The following SHANK2 variants were observed in gnomAD, a reference collection of about 807,000 sequenced individuals.
The protein encoded by SHANK2 is SH3 and multiple ankyrin repeat domains protein 2.
Under a neutral mutation model 133.7 loss-of-function variants are expected in SHANK2, and 43 were observed. That is an observed-to-expected ratio of 0.32 (90% CI 0.25 to 0.41). The LOEUF is 0.41. SHANK2 is among the 10% of genes least tolerant of loss of function. The pLI is 1.00. For synonymous variants in SHANK2, 1,017 were observed against 952.8 expected, an observed-to-expected ratio of 1.07 and a Z score of -1.24; for missense variants, 1,994 against 2,235.8, an observed-to-expected ratio of 0.89 and a Z score of 2.18.
Position 71,092,487 on chromosome 11 carries a change from G to A in SHANK2, c.847C>T (p.Leu283Phe). The stretch of plus-strand genomic sequence containing the variant: ...ACAGTGGCGTGTTCGTGCAGGAGAA[G>A]CTCGCAGCAGTAGGGATCACCTCCG... ...IVGGDPYCCELLLHEHATVCC... is the reference protein window; with the variant it reads ...IVGGDPYCCEFLLHEHATVCC... Residue 283 changes from leucine (L) to phenylalanine (F), a missense_variant, in exon 8 of 26, where the codon CTT (leucine) becomes TTT (phenylalanine). Physicochemically the swap from Leu to Phe is conservative, Grantham distance 22. Coordinates refer to ENST00000601538, the MANE Select transcript of SHANK2 (RefSeq NM_012309.5). The A allele has an allele frequency of 6.4e-7, 1 of 1,551,708 alleles. No homozygotes were observed. Among genetic ancestry groups the A allele is most frequent in the Non-Finnish European group, 8.7e-7 (1 of 1,147,016 alleles).
At chr11:70,862,172 G>A (rs1438116426) in intron 11 of SHANK2, among the ~76,000 whole-genome samples, 6 of 152,184 alleles carry the variant, frequency 3.9e-5, no homozygotes, top group Admixed American at 2.0e-4. Flanking sequence ...CACCTGCCCA[G>A]TGCCCAGGTG....
intron 3 of SHANK2, among the ~76,000 whole-genome samples, chr11:71,122,173 G>T (rs1952093807): frequency 6.6e-6 from 1 of 152,144 alleles, no homozygotes; most frequent in South Asian, 2.1e-4. Context: ...TATAAATCAT[G>T]CCACCATAAA....
At chr11:71,207,441 A>G (rs1349148792) in intron 2 of SHANK2, among the ~76,000 whole-genome samples, 3 of 152,288 alleles carry the variant, frequency 2.0e-5, no homozygotes, top group African/African-American at 7.2e-5. Flanking sequence ...TGGCTTCCCA[A>G]AGTGCTGGGA....
intron 21 of SHANK2, among the ~76,000 whole-genome samples, chr11:70,494,315 T>C (rs2135777275): frequency 6.6e-6 from 1 of 152,246 alleles, no homozygotes; most frequent in South Asian, 2.1e-4. Context: ...AGTCTATACT[T>C]TTTTTTCTTT....
chr11:70,486,453 G>T lies in SHANK2; in HGVS notation c.3840C>A (p.Asn1280Lys). The change falls in exon 25 of 26, where the codon AAC becomes AAA. Residue 1280 changes from asparagine to lysine, a missense_variant. Transcript: ENST00000601538. This position sits in a 1 kb window ranked among gnomAD's most constrained non-coding sequence, Gnocchi z 8.0. ...CTCGGCCCAGGTCGGTCTCGTACTT[G>T]TTCTCCGTCTCCTGCCGCCTCAGGG... The part of the protein sequence containing the change: ...RGPLRRQETE[N>K]KYETDLGRDR... 6.2e-7 allele frequency: 1 copy of T among 1,614,096 alleles called. No individual in the cohort carries two copies. Among genetic ancestry groups the T allele is most frequent in the Non-Finnish European group, 8.5e-7 (1 of 1,180,034 alleles).
intron 13 of SHANK2, among the ~76,000 whole-genome samples, chr11:70,800,294 C>T (rs1480277264): frequency 1.3e-5 from 2 of 152,346 alleles, no homozygotes; most frequent in East Asian, 1.9e-4. Flanking sequence ...CAAAGTGGTT[C>T]GGATGACTGG....
intron 17 of SHANK2, among the ~76,000 whole-genome samples, chr11:70,519,460 CA>C (rs2059303552): frequency 6.6e-6 from 1 of 152,078 alleles, no homozygotes; most frequent in South Asian, 2.1e-4. Context: ...CCAGCCTGAC[CA>C]ACATGGAGAA....
At chr11:70,870,798 A>T (rs540551999) in intron 11 of SHANK2, among the ~76,000 whole-genome samples, 2 of 152,222 alleles carry the variant, frequency 1.3e-5, no homozygotes, top group South Asian at 4.2e-4. Flanking sequence ...TTTATTTGAG[A>T]TGGAGTCTTG....
chr11:70,818,959 T>C (rs1237081663), intron 12 of SHANK2, among the ~76,000 whole-genome samples: 2 of 152,164 alleles, frequency 1.3e-5, no homozygotes, highest in African/African-American at 4.8e-5. Context: ...GTGGAGCCCC[T>C]GGGGGCAGGG....
intron 8 of SHANK2, among the ~76,000 whole-genome samples, chr11:71,085,534 T>A (rs1479328722): frequency 2.8e-5 from 3 of 105,532 alleles, no homozygotes; most frequent in African/African-American, 1.1e-4. Context: ...TATATTATAT[T>A]ATATAAAATA....
At position 71,129,683 on chromosome 11, in the gene SHANK2, G is replaced by A. The variant is rs1565467853; in HGVS notation, c.208-10651C>T. 2.0e-5 allele frequency among the ~76,000 whole-genome samples: 3 copies of A among 152,040 alleles called. No homozygotes were observed. The South Asian group carries it at 6.2e-4, about 32-fold the overall frequency. On this transcript the variant is annotated intron_variant, in intron 3 of 25. Coordinates refer to ENST00000601538, the MANE Select transcript of SHANK2 (RefSeq NM_012309.5). The stretch of plus-strand genomic sequence containing the variant: ...GAAAAAATGGAGACAGTGAGGGAAG[G>A]TCACTCACACTTGGTTCACATGAGT...
At chr11:70,873,814 A>G (rs1949510834) in intron 11 of SHANK2, among the ~76,000 whole-genome samples, 1 of 152,138 alleles carries the variant, frequency 6.6e-6, no homozygotes, top group Admixed American at 6.5e-5. Flanking sequence ...TAGAATACCA[A>G]ACAGTGATGC....
At chr11:70,930,824 C>A in intron 10 of SHANK2, among the ~76,000 whole-genome samples, 1 of 140,496 alleles carries the variant, frequency 7.1e-6, no homozygotes, top group Non-Finnish European at 1.5e-5. Context: ...ACATGCCCCA[C>A]CACACCCAGC....
chr11:71,201,737 G>T (rs753904551), intron 2 of SHANK2, among the ~76,000 whole-genome samples: 1 of 152,200 alleles, frequency 6.6e-6, no homozygotes. Flanking sequence ...CACAGACTCC[G>T]AGGGTAGTGG....
In SHANK2 at chr11:70,807,148, T is replaced by C. The variant is rs1555052136; in HGVS notation, c.1517A>G (p.Asn506Ser). 3 of 717,770 alleles carry C rather than the reference T, an allele frequency of 4.2e-6. No homozygotes were observed. Among genetic ancestry groups the C allele is most frequent in the Non-Finnish European group, 7.8e-6 (3 of 384,900 alleles). The allele number at this position is 717,770 out of a possible 1,614,324, so 44.5% of individuals were successfully genotyped here. A position where few individuals can be genotyped will look rare whatever the true frequency, so the allele number is the denominator to read the frequency against. Residue 506 changes from asparagine (N) to serine (S), a missense_variant, in exon 13 of 26, where the codon AAC becomes AGC. Coordinates refer to ENST00000601538, the MANE Select transcript of SHANK2 (RefSeq NM_012309.5). The surrounding 1 kb of genome is among the most constrained non-coding windows in gnomAD (Gnocchi z 4.8). ...CTCGAAGGCCGAGAGTGAGTCCTTG[T>C]TGGCACCAAGAGCAAAAGGCGACCT... ...HVGSPFALGA[N>S]KDSLSAFEYP...
At chr11:71,219,768 G>A (rs1266851213) in intron 2 of SHANK2, among the ~76,000 whole-genome samples, 1 of 151,390 alleles carries the variant, frequency 6.6e-6, no homozygotes, top group Non-Finnish European at 1.5e-5. Context: ...CATGGTGGTG[G>A]GTGCCTGTAA....
intron 11 of SHANK2, among the ~76,000 whole-genome samples, chr11:70,834,187 G>T (rs1457817546): frequency 3.3e-5 from 5 of 152,178 alleles, no homozygotes; most frequent in African/African-American, 1.2e-4. Flanking sequence ...GGAGACGCAG[G>T]GGAGCACCTG....
intron 3 of SHANK2, among the ~76,000 whole-genome samples, chr11:71,142,812 CAA>C (rs55892344): frequency 4.4e-5 from 6 of 135,556 alleles, no homozygotes; most frequent in Admixed American, 1.5e-4. Flanking sequence ...GAATCTAGTC[CAA>C]AAAAAAAAAA....
intron 10 of SHANK2, among the ~76,000 whole-genome samples, chr11:70,946,088 C>T (rs548228821): frequency 4.5e-4 from 68 of 150,886 alleles, no homozygotes; most frequent in African/African-American, 1.7e-3. Context: ...CAGGCTCAAC[C>T]TCTCTCTCCA....
Sources: allele counts gnomAD v4.1 joint callset (sites outside exome capture counted in the v4.1 genomes callset), GRCh38; gene constraint gnomAD v4.1.1; non-coding constraint Gnocchi (gnomAD v3.1); transcripts MANE v1.5; gene names NCBI Gene and HGNC (gene_info 2026-07-23, HGNC 2026-07-21).